SRFBP1: variants seen among roughly 807,000 people sequenced by gnomAD.
The protein encoded by SRFBP1 is serum response factor-binding protein 1.
A neutral mutation model predicts 45.5 loss-of-function variants in SRFBP1; 47 were observed. The observed-to-expected ratio is 1.03, with a 90% CI of 0.82 to 1.32. The LOEUF is 1.32. SRFBP1 is among the 40% of genes most tolerant of loss of function. The probability of loss-of-function intolerance (pLI) is 0.00; values close to 1 mark genes in which losing one functional copy is unlikely to be tolerated. For missense variants in SRFBP1, 621 were observed against 484.6 expected (o/e 1.28, Z -2.64); for synonymous variants, 203 against 166.3 (o/e 1.22, Z -1.70).
At chr5:122,077,305 A>G (rs774291247), downstream of SRFBP1, 1 of 1,610,522 alleles carries the variant, frequency 6.2e-7, no homozygotes, top group Non-Finnish European at 8.5e-7. This position sits in a 1 kb window ranked among gnomAD's most constrained non-coding sequence, Gnocchi z 4.9. Context: ...GAAGCCACAT[A>G]GCTGGGGACC....
chr5:122,020,287 A>G lies in SRFBP1; in HGVS notation c.552A>G (p.Ser184=). ...TGGCGAAGAAACCAATACATAATTC[A>G]AAGGAAAAAATAGCAAAGATGGAAC... The part of the protein sequence containing the change: ...KILAKKPIHN[S]KEKIAKMEHG... The change falls in exon 6 of 8, where the codon TCA becomes TCG. Residue 184 remains serine (S), a synonymous_variant. Coordinates refer to ENST00000339397, the MANE Select transcript of SRFBP1 (RefSeq NM_152546.3). The G allele has an allele frequency of 6.2e-7, 1 of 1,612,106 alleles. No homozygotes were observed. The highest frequency in any genetic ancestry group is 1.3e-5 in the African/African-American group (1 of 74,820).
chr5:121,967,646 G>A (rs1230131749), intron 1 of SRFBP1, among the ~76,000 whole-genome samples: 4 of 152,062 alleles, frequency 2.6e-5, no homozygotes, highest in African/African-American at 7.2e-5. Flanking sequence ...CAGCCTGGGC[G>A]ACATGGTGAA....
At chr5:122,037,186 CTG>C (rs1461304472) in intron 2 of SRFBP1, among the ~76,000 whole-genome samples, 2 of 152,198 alleles carry the variant, frequency 1.3e-5, no homozygotes, top group Non-Finnish European at 2.9e-5. Context: ...GCGTGAGCCA[CTG>C]TGCCCAGCCT....
chr5:122,002,717 T>C (rs1752896334), intron 4 of SRFBP1, among the ~76,000 whole-genome samples: 1 of 152,084 alleles, frequency 6.6e-6, no homozygotes, highest in African/African-American at 2.4e-5. Flanking sequence ...ATATTGAGAA[T>C]TATGTGAGAA....
At chr5:122,046,616 A>C (rs551439587) in intron 2 of SRFBP1, among the ~76,000 whole-genome samples, 1,721 of 152,270 alleles carry the variant, frequency 0.011, 35 homozygotes, top group African/African-American at 0.038. Flanking sequence ...CCTGAGGAAT[A>C]GCCACACTGA....
downstream of SRFBP1, among the ~76,000 whole-genome samples, chr5:122,033,247 A>G (rs1422077431): frequency 6.7e-6 from 1 of 150,308 alleles, no homozygotes; most frequent in Non-Finnish European, 1.5e-5. Context: ...TGTTTTATGT[A>G]CTGCAAATAT....
chr5:122,015,863 G>A (rs949238529), intron 4 of SRFBP1, among the ~76,000 whole-genome samples: 1 of 152,070 alleles, frequency 6.6e-6, no homozygotes, highest in Admixed American at 6.6e-5. Context: ...TTATGTTGTG[G>A]TAGGTAAAGA....
intron 2 of SRFBP1, among the ~76,000 whole-genome samples, chr5:122,043,768 A>G (rs952308194): frequency 1.3e-5 from 2 of 152,176 alleles, no homozygotes; most frequent in African/African-American, 4.8e-5. Context: ...TGCAGGCCAT[A>G]AGGTCTCTGT....
chr5:122,035,038 G>A (rs1003500457), intron 2 of SRFBP1, among the ~76,000 whole-genome samples: 2 of 148,750 alleles, frequency 1.3e-5, no homozygotes, highest in South Asian at 2.1e-4. Context: ...AGGGATACAG[G>A]TTTTTTTTTT....
At chr5:122,056,355 T>C (rs1287300994) in intron 2 of SRFBP1, among the ~76,000 whole-genome samples, 1 of 152,136 alleles carries the variant, frequency 6.6e-6, no homozygotes, top group Admixed American at 6.6e-5. Context: ...TAGAAAACAA[T>C]CAAATAAATA....
In SRFBP1 at chr5:122,070,053, G is replaced by A. The variant is rs770316240; in HGVS notation, n.312-5262G>A. ...ACTTAGCTAAGCAAATAACACTTAC[G>A]GTGAAATTGTGCAGCCTGAGGCATA... On this transcript the variant is annotated intron_variant and non_coding_transcript_variant, in intron 2 of 2. Coordinates refer to the SRFBP1 transcript ENST00000504881. 37 of 1,598,502 alleles carry A rather than the reference G, an allele frequency of 2.3e-5. No individual in the cohort carries two copies. Among genetic ancestry groups the A allele is most frequent in the Middle Eastern group, 1.7e-4 (1 of 6,058 alleles).
At chr5:122,051,815 T>C (rs1753988736) in intron 2 of SRFBP1, among the ~76,000 whole-genome samples, 1 of 152,214 alleles carries the variant, frequency 6.6e-6, no homozygotes, top group Non-Finnish European at 1.5e-5. Context: ...CTGGTTATTA[T>C]GCAGACTTTT....
intron 2 of SRFBP1, 123 bp downstream of exon 2, chr5:121,974,407 G>A (rs1752261667): frequency 1.5e-6 from 1 of 653,492 alleles, no homozygotes; most frequent in Admixed American, 2.5e-5. Flanking sequence ...CACCATTTTT[G>A]TTTTGTATGC....
chr5:121,985,347 T>C (rs1486729627), intron 3 of SRFBP1, among the ~76,000 whole-genome samples: 2 of 151,732 alleles, frequency 1.3e-5, no homozygotes, highest in Non-Finnish European at 3.0e-5. Context: ...TTTTTTTCTT[T>C]TTTACATTGT....
intron 4 of SRFBP1, among the ~76,000 whole-genome samples, chr5:121,996,716 G>A (rs1216794256): frequency 1.3e-5 from 1 of 74,344 alleles, no homozygotes; most frequent in African/African-American, 6.3e-5. Context: ...AAAAGAGGAA[G>A]TCAAATTGTC....
At chr5:122,070,696 T>C (rs1754425418) in intron 2 of SRFBP1, 3 of 601,422 alleles carry the variant, frequency 5.0e-6, no homozygotes, top group Non-Finnish European at 8.8e-6. Context: ...CTTACAAGAG[T>C]CTGACATAAA....
chr5:122,068,508 T>G (rs189356623), intron 2 of SRFBP1, among the ~76,000 whole-genome samples: 1 of 152,262 alleles, frequency 6.6e-6, no homozygotes, highest in Admixed American at 6.5e-5. Context: ...ATTCTCTCAC[T>G]TCCCCTACTC....
chr5:122,004,440 C>T (rs190678361), intron 4 of SRFBP1, among the ~76,000 whole-genome samples: 190 of 152,060 alleles, frequency 1.2e-3, no homozygotes, highest in African/African-American at 4.4e-3. Context: ...GCCATAAATG[C>T]GTGGATTTAT....
Position 122,027,114 on chromosome 5 carries a change from G to A in SRFBP1, c.1278G>A (p.Thr426=), listed in dbSNP as rs566489711. The A allele has an allele frequency of 7.0e-5, 112 of 1,598,524 alleles. No homozygotes were observed. Among genetic ancestry groups the A allele is most frequent in the South Asian group, 3.4e-4 (30 of 87,386 alleles). ...NIAVFQGKKI[T]FDD is the part of the protein sequence containing the mutation. ...CTGTGTTTCAGGGGAAAAAAATTAC[G>A]TTTGATGATTGATTAGTGCCTCTTT... The change falls in exon 8 of 8, where the codon ACG becomes ACA. Residue 426 remains threonine, a synonymous_variant. Transcript: ENST00000339397.
Sources: allele counts gnomAD v4.1 joint callset (sites outside exome capture counted in the v4.1 genomes callset), GRCh38; gene constraint gnomAD v4.1.1; non-coding constraint Gnocchi (gnomAD v3.1); transcripts MANE v1.5; gene names NCBI Gene and HGNC (gene_info 2026-07-23, HGNC 2026-07-21).